Variants in TMEM163 observed in about 807,000 individuals in gnomAD.
TMEM163 encodes transmembrane protein 163.
Under a neutral mutation model 29.3 loss-of-function variants are expected in TMEM163, and 17 were observed. That is an observed-to-expected ratio of 0.58 (90% confidence interval 0.40 to 0.87). TMEM163 has a LOEUF of 0.87. TMEM163 is among the 40% of genes least tolerant of loss of function. The pLI is 0.00. For missense variants in TMEM163, 303 were observed against 381.5 expected (o/e 0.79, Z 1.71); for synonymous variants, 157 against 160.6 (o/e 0.98, Z 0.17).
intron 5 of TMEM163, among the ~76,000 whole-genome samples, chr2:134,470,217 C>T (rs957587498): frequency 6.6e-6 from 1 of 152,068 alleles, no homozygotes; most frequent in East Asian, 1.9e-4. Context: ...ATTAGCTGGG[C>T]GCGGTGGCGG....
intron 2 of TMEM163, among the ~76,000 whole-genome samples, chr2:134,597,371 T>C (rs1448601656): frequency 6.6e-6 from 1 of 152,252 alleles, no homozygotes; most frequent in Non-Finnish European, 1.5e-5. Flanking sequence ...ATTGAGATAA[T>C]CATGTGGTTT....
chr2:134,462,831 T>A (rs965560477), intron 6 of TMEM163, among the ~76,000 whole-genome samples: 1 of 149,910 alleles, frequency 6.7e-6, no homozygotes, highest in Admixed American at 6.7e-5. Flanking sequence ...AGGAGGGGGG[T>A]CAAGTCCCAT....
At chr2:134,668,555 G>A (rs1683919692) in intron 2 of TMEM163, among the ~76,000 whole-genome samples, 1 of 151,672 alleles carries the variant, frequency 6.6e-6, no homozygotes, top group Admixed American at 6.6e-5. Flanking sequence ...TCTGCAGGAG[G>A]CAGAGGTTGC....
chr2:134,548,545 C>A (rs899761948), intron 4 of TMEM163, among the ~76,000 whole-genome samples: 2 of 152,176 alleles, frequency 1.3e-5, no homozygotes, highest in Non-Finnish European at 2.9e-5. Flanking sequence ...TCCTCAAATA[C>A]CCAGAACAGC....
intron 5 of TMEM163, among the ~76,000 whole-genome samples, chr2:134,490,241 C>T (rs1157890427): frequency 6.6e-6 from 1 of 152,180 alleles, no homozygotes; most frequent in African/African-American, 2.4e-5. Flanking sequence ...TAGCTAAACT[C>T]GATGGCTAGC....
intron 5 of TMEM163, 29 bp from the exon 6 acceptor site, chr2:134,466,254 G>A: frequency 6.4e-7 from 1 of 1,572,130 alleles, no homozygotes; most frequent in Non-Finnish European, 8.7e-7. Context: ...GATTTCAACA[G>A]TTCACCTCCT....
At chr2:134,718,090 C>G (rs1043526434) in intron 1 of TMEM163, among the ~76,000 whole-genome samples, 16 of 152,200 alleles carry the variant, frequency 1.1e-4, no homozygotes, top group African/African-American at 3.9e-4. Context: ...GGTTGGTGGC[C>G]CAAATCCAAA....
At chr2:134,643,119 G>C (rs1256104036) in intron 2 of TMEM163, among the ~76,000 whole-genome samples, 4 of 151,932 alleles carry the variant, frequency 2.6e-5, no homozygotes, top group Admixed American at 6.6e-5. Flanking sequence ...CACAAAAAGA[G>C]AGAAGACACA....
chr2:134,480,920 T>A (rs1244049131), intron 5 of TMEM163, among the ~76,000 whole-genome samples: 1 of 152,238 alleles, frequency 6.6e-6, no homozygotes, highest in Non-Finnish European at 1.5e-5. Context: ...ATTCTGTCAA[T>A]GGTAATACCA....
At chr2:134,513,689 C>T (rs1679996730) in intron 4 of TMEM163, among the ~76,000 whole-genome samples, 1 of 152,176 alleles carries the variant, frequency 6.6e-6, no homozygotes, top group Admixed American at 6.5e-5. Flanking sequence ...CATCCTCCCG[C>T]TTCATGGGTA....
intron 2 of TMEM163, among the ~76,000 whole-genome samples, chr2:134,559,710 AC>A (rs923048152): frequency 6.6e-6 from 1 of 152,006 alleles, no homozygotes; most frequent in African/African-American, 2.4e-5. Flanking sequence ...CTAATCCCAC[AC>A]CCACAATAAC....
At chr2:134,458,384 C>A in intron 6 of TMEM163, 1 of 581,590 alleles carries the variant, frequency 1.7e-6, no homozygotes, top group Non-Finnish European at 3.1e-6. Context: ...CCCCCACCAT[C>A]ATTCTGTACC....
At chr2:134,579,299 GT>G (rs1285877611) in intron 2 of TMEM163, among the ~76,000 whole-genome samples, 1 of 152,126 alleles carries the variant, frequency 6.6e-6, no homozygotes, top group East Asian at 1.9e-4. Context: ...CACGAAGTTC[GT>G]TTGTTTTTCT....
chr2:134,642,029 A>G (rs912029204), intron 2 of TMEM163, among the ~76,000 whole-genome samples: 8 of 152,214 alleles, frequency 5.3e-5, no homozygotes, highest in African/African-American at 1.7e-4. Flanking sequence ...TCAAGAAAAC[A>G]CAACATACTA....
chr2:134,708,829 C>T (rs947746548), intron 2 of TMEM163, among the ~76,000 whole-genome samples: 1 of 152,120 alleles, frequency 6.6e-6, no homozygotes, highest in Non-Finnish European at 1.5e-5. Context: ...ACTTCATGAT[C>T]CACCCACCCC....
chr2:134,551,447 C>A (rs1179045433), intron 3 of TMEM163, among the ~76,000 whole-genome samples: 2 of 152,160 alleles, frequency 1.3e-5, no homozygotes, highest in Non-Finnish European at 2.9e-5. Context: ...CCTAAAGCTA[C>A]GCGGCGGGGG....
intron 2 of TMEM163, among the ~76,000 whole-genome samples, chr2:134,695,739 A>T (rs1003865519): frequency 6.6e-6 from 1 of 152,116 alleles, no homozygotes; most frequent in East Asian, 1.9e-4. Context: ...TTTTACTTCC[A>T]GGTCAAATGG....
chr2:134,645,475 TC>T (rs1683315716), intron 2 of TMEM163, among the ~76,000 whole-genome samples: 1 of 152,124 alleles, frequency 6.6e-6, no homozygotes, highest in Non-Finnish European at 1.5e-5. Flanking sequence ...CAACATCTGG[TC>T]CAAAAAAGAG....
intron 2 of TMEM163, among the ~76,000 whole-genome samples, chr2:134,581,150 A>G (rs577149143): frequency 6.6e-6 from 1 of 152,296 alleles, no homozygotes; most frequent in Non-Finnish European, 1.5e-5. Context: ...TCCGACGGAA[A>G]AGGATTTGTA....
Sources: gnomAD v4.1 joint callset for allele counts (sites outside exome capture counted in the v4.1 genomes callset) on GRCh38, gnomAD v4.1.1 for gene constraint, MANE v1.5 for transcripts, NCBI Gene and HGNC (gene_info 2026-07-23, HGNC 2026-07-21) for gene names.